The following BUD13 variants were observed in gnomAD, a reference collection of about 807,000 sequenced individuals.
BUD13 encodes BUD13 homolog.
Under a neutral mutation model 62.5 loss-of-function variants are expected in BUD13, and 47 were observed. The observed-to-expected ratio is 0.75, with a 90% CI of 0.60 to 0.96. BUD13 has a LOEUF of 0.96. Among genes scored for constraint, BUD13 ranks in the 40% least tolerant of loss-of-function variants. The pLI is 0.00. For missense variants in BUD13, 821 were observed against 790.9 expected (o/e 1.04, Z -0.46); for synonymous variants, 293 against 280.1 (o/e 1.05, Z -0.46).
intron 2 of BUD13, among the ~76,000 whole-genome samples, chr11:116,769,623 A>G (rs189405284): frequency 1.3e-5 from 2 of 152,278 alleles, no homozygotes; most frequent in Non-Finnish European, 1.5e-5. Context: ...AGGCTGATGG[A>G]CCCTCCATAA....
chr11:116,758,397 T>A lies in BUD13; in HGVS notation c.1371A>T (p.Gln457His). The A allele has an allele frequency of 1.2e-6, 2 of 1,613,966 alleles. No homozygotes were observed. The highest frequency in any genetic ancestry group is 8.5e-7 in the Non-Finnish European group (1 of 1,179,984). The change falls in exon 7 of 10, where the codon CAA (glutamine) becomes CAT (histidine). Residue 457 changes from glutamine to histidine, a missense_variant. Physicochemically the swap from Gln to His is conservative, Grantham distance 24. Around this residue, in one of 2 missense-constraint regions of BUD13, gnomAD observed 800 missense variants for 739.2 expected, o/e 1.08. Transcript: ENST00000260210. Reference protein sequence around the residue: ...QETMAFEAEFQYAETVFRDKS... With the variant: ...QETMAFEAEFHYAETVFRDKS... Reference sequence around the variant, plus strand: ...TATCTCGAAATACGGTTTCAGCATATTGAAATTCAGCTGCAAAGGAAAATT... The same window carrying A: ...TATCTCGAAATACGGTTTCAGCATAATGAAATTCAGCTGCAAAGGAAAATT...
In BUD13 at chr11:116,758,478, C is replaced by T. The variant is rs368783069; in HGVS notation, c.1361-71G>A. Reference sequence around the variant, plus strand: ...TAACATTCTAAGAGATCAAATCAACCGCTTGGGATTCTAATGCTAGATAAG... The same window carrying T: ...TAACATTCTAAGAGATCAAATCAACTGCTTGGGATTCTAATGCTAGATAAG... On this transcript the variant is annotated intron_variant, in intron 6 of 9. Coordinates refer to ENST00000260210, the MANE Select transcript of BUD13 (RefSeq NM_032725.4). 4.5e-5 allele frequency: 69 copies of T among 1,532,212 alleles called. No homozygotes were observed. The East Asian group carries it at 6.4e-4, about 14-fold the overall frequency. 94.9% of individuals were successfully genotyped at this position (1,532,212 alleles called of 1,614,324 possible).
chr11:116,764,746 T>C (rs1421110605), intron 3 of BUD13, among the ~76,000 whole-genome samples: 2 of 152,182 alleles, frequency 1.3e-5, no homozygotes, highest in African/African-American at 4.8e-5. Context: ...TCATGGCAAA[T>C]AAGACTAGTC....
At chr11:116,762,458 G>A (rs1285440755) in intron 4 of BUD13, 95 bp downstream of exon 4, 1 of 1,117,082 alleles carries the variant, frequency 9.0e-7, no homozygotes, top group South Asian at 1.7e-5. Flanking sequence ...CTTTCCCAAA[G>A]AAATTCCATT....
At chr11:116,772,772 G>A (rs1258842984) in intron 1 of BUD13, 50 bp downstream of exon 1, 3 of 1,465,218 alleles carry the variant, frequency 2.0e-6, no homozygotes, top group Non-Finnish European at 2.7e-6. Context: ...GCGGAGTTGG[G>A]AAGGGGTGGC....
At chr11:116,768,668 AATTACT>A (rs1451767571) in intron 2 of BUD13, among the ~76,000 whole-genome samples, 1 of 152,090 alleles carries the variant, frequency 6.6e-6, no homozygotes, top group Non-Finnish European at 1.5e-5. Flanking sequence ...TTTCCCTTCT[AATTACT>A]AGCAAGCCCT....
chr11:116,752,044 C>T (rs1940245168), intron 9 of BUD13, among the ~76,000 whole-genome samples: 1 of 152,116 alleles, frequency 6.6e-6, no homozygotes, highest in African/African-American at 2.4e-5. Flanking sequence ...CCCGGGTTCA[C>T]GCCATTCTCC....
rs1940457241 is a variant in BUD13 at position 116,762,869 on chromosome 11, G to A, written c.720C>T (p.Ser240=). The A allele has an allele frequency of 6.2e-7, 1 of 1,613,928 alleles. No homozygotes were observed. Among genetic ancestry groups the A allele is most frequent in the South Asian group, 1.1e-5 (1 of 91,064 alleles). The change falls in exon 4 of 10, where the codon TCC becomes TCT. Residue 240 remains serine (S), a synonymous_variant. Coordinates refer to ENST00000260210, the MANE Select transcript of BUD13 (RefSeq NM_032725.4). The part of the protein sequence containing the change: ...RARHGSSDIS[S]PRRVHNNSPD... ...GGGAGTTGTTATGGACCCTTCTGGG[G>A]GAAGAGATATCTGAGGAACCATGAC...
At chr11:116,760,677 T>C (rs1201589994) in intron 5 of BUD13, 58 bp downstream of exon 5, 3 of 1,545,898 alleles carry the variant, frequency 1.9e-6, no homozygotes, top group African/African-American at 1.4e-5. Flanking sequence ...GGGACATATA[T>C]AAAGCTGAGA....
chr11:116,765,234 C>A, intron 3 of BUD13, 128 bp downstream of exon 3: 1 of 968,008 alleles, frequency 1.0e-6, no homozygotes, highest in Non-Finnish European at 1.6e-6. Context: ...TTCCTTTTTC[C>A]TGCTTTATTT....
rs1304873595 is a variant in BUD13 at position 116,758,387 on chromosome 11, TTTCAGCATATTGAAA to T, written c.1366_1380del (p.Phe456_Glu460del). 6.2e-7 allele frequency: 1 copy of T among 1,613,890 alleles called. No individual in the cohort carries two copies. The highest frequency in any genetic ancestry group is 1.3e-5 in the African/African-American group (1 of 74,914). The stretch of plus-strand genomic sequence containing the variant: ...CGACCAGACTTATCTCGAAATACGG[TTTCAGCATATTGAAA>T]TTCAGCTGCAAAGGAAAATTATACT... On this transcript the variant is annotated inframe_deletion, in exon 7 of 10. Coordinates refer to ENST00000260210, the MANE Select transcript of BUD13 (RefSeq NM_032725.4).
intron 8 of BUD13, 78 bp from the exon 9 acceptor site, chr11:116,757,305 C>A: frequency 7.3e-7 from 1 of 1,377,082 alleles, no homozygotes; most frequent in Non-Finnish European, 1.0e-6. Flanking sequence ...GTGGAATTTT[C>A]CTTTTTTTTT....
intron 5 of BUD13, 29 bp from the exon 6 acceptor site, chr11:116,759,208 A>G: frequency 1.3e-6 from 2 of 1,516,354 alleles, no homozygotes; most frequent in South Asian, 2.2e-5. Flanking sequence ...AGCATCCAAC[A>G]TTAATGAGAT....
chr11:116,751,874 C>T (rs546516303), intron 9 of BUD13, among the ~76,000 whole-genome samples: 4 of 152,318 alleles, frequency 2.6e-5, no homozygotes, highest in East Asian at 1.9e-4. Flanking sequence ...GAATCAGGAA[C>T]GCAGAGTTCT....
At position 116,767,609 on chromosome 11, in the gene BUD13, A is replaced by G. The variant is rs552103048; in HGVS notation, c.238-2163T>C. Among the ~76,000 whole-genome samples, 211 of 151,440 alleles carry G rather than the reference A, an allele frequency of 1.4e-3. 1 individual carries two copies. The highest frequency in any genetic ancestry group is 4.4e-3 in the African/African-American group (183 of 41,360). On this transcript the variant is annotated intron_variant, in intron 2 of 9. Coordinates refer to ENST00000260210, the MANE Select transcript of BUD13 (RefSeq NM_032725.4). Reference sequence around the variant, plus strand: ...CTCCACCAAAAAAAAAAAAAAAAAAAAAAGAAACTGGATACCATTACTCAC... The same window carrying G: ...CTCCACCAAAAAAAAAAAAAAAAAAGAAAGAAACTGGATACCATTACTCAC...
intron 9 of BUD13, among the ~76,000 whole-genome samples, chr11:116,755,720 C>G (rs1305458135): frequency 1.3e-5 from 2 of 151,996 alleles, no homozygotes; most frequent in African/African-American, 4.8e-5. Context: ...TAAATCAATG[C>G]CATCCTTCTG....
chr11:116,748,327 C>A lies in BUD13; in HGVS notation c.*155G>T. ...AGTACAGGTACCTCAGTCCAAACAT[C>A]AGGTCTCGAATATTCTTCTGTGGTC... is the stretch of plus-strand genomic sequence containing the variant. On this transcript the variant is annotated 3_prime_UTR_variant, in exon 10 of 10. Transcript: ENST00000260210. 2 of 636,548 alleles carry A rather than the reference C, an allele frequency of 3.1e-6. No individual in the cohort carries two copies. The highest frequency in any genetic ancestry group is 3.7e-5 in the African/African-American group (2 of 54,524). The allele number at this position is 636,548 out of a possible 1,614,324, so 39.4% of individuals were successfully genotyped here.
chr11:116,766,445 C>T (rs529762197), intron 2 of BUD13, among the ~76,000 whole-genome samples: 115 of 152,314 alleles, frequency 7.6e-4, no homozygotes, highest in Non-Finnish European at 1.5e-3. Context: ...AAAATCCTAC[C>T]ATCATTCTTC....
At position 116,761,208 on chromosome 11, in the gene BUD13, C is replaced by T. The variant is rs867018046; in HGVS notation, c.1037-256G>A. ...CTGGAATTACAGGTGTGTGCCACCA[C>T]GCCCAGCTAATTTTTGTGTTTTTAG... is the stretch of plus-strand genomic sequence containing the variant. On this transcript the variant is annotated intron_variant, in intron 4 of 9. Transcript: ENST00000260210. Among the ~76,000 whole-genome samples the T allele has an allele frequency of 8.6e-5, 13 of 152,024 alleles. No individual in the cohort carries two copies. The Middle Eastern group carries it at 0.014, about 159-fold the overall frequency.
Sources: allele counts gnomAD v4.1 joint callset (sites outside exome capture counted in the v4.1 genomes callset), GRCh38; gene constraint gnomAD v4.1.1; regional missense constraint gnomAD v4.1.1; transcripts MANE v1.5; gene names NCBI Gene and HGNC (gene_info 2026-07-23, HGNC 2026-07-21).